KIF26B: variants seen among roughly 807,000 people sequenced by gnomAD.
The protein encoded by KIF26B is kinesin family member 26B.
Under a neutral mutation model 151.2 loss-of-function variants are expected in KIF26B, and 63 were observed. The observed-to-expected ratio is 0.42, with a 90% confidence interval of 0.34 to 0.51. The LOEUF is 0.51. Ranked by LOEUF, KIF26B falls within the 20% of genes least tolerant of loss-of-function variation. The pLI is 0.07. For missense variants in KIF26B, 2,813 were observed against 2,913.6 expected, an observed-to-expected ratio of 0.97 and a Z score of 0.79; for synonymous variants, 1,357 against 1,262.1, an observed-to-expected ratio of 1.08 and a Z score of -1.59.
At chr1:245,465,019 C>T (rs1202572688) in intron 4 of KIF26B, among the ~76,000 whole-genome samples, 1 of 145,586 alleles carries the variant, frequency 6.9e-6, no homozygotes, top group Non-Finnish European at 1.5e-5. Flanking sequence ...CACTCTGTCG[C>T]CCAGGCTGGA....
In KIF26B at chr1:245,556,146, C is replaced by T. The variant is rs566048936; in HGVS notation, c.1350+15196C>T. 5.9e-4 allele frequency among the ~76,000 whole-genome samples: 90 copies of T among 152,336 alleles called. 5 individuals are homozygous for T. The South Asian group carries it at 0.013, about 22-fold the overall frequency. ...CTGGCTATGCTGGCTATGCTATGAC[C>T]TGCTTCCTCTGTGAAACAGCTGCTG... is the stretch of plus-strand genomic sequence containing the variant. On this transcript the variant is annotated intron_variant, in intron 5 of 14. Transcript: ENST00000407071.
chr1:245,549,443 A>C (rs1661827159), intron 5 of KIF26B, among the ~76,000 whole-genome samples: 1 of 152,210 alleles, frequency 6.6e-6, no homozygotes, highest in African/African-American at 2.4e-5. Flanking sequence ...ACCATTACTG[A>C]TATCAGGAGA....
chr1:245,515,192 C>T (rs888211517), intron 4 of KIF26B, among the ~76,000 whole-genome samples: 7 of 152,192 alleles, frequency 4.6e-5, no homozygotes, highest in African/African-American at 1.2e-4. Flanking sequence ...CACCTTGACT[C>T]GTGCCGGTCC....
At chr1:245,282,342 G>A (rs1671072349) in intron 2 of KIF26B, among the ~76,000 whole-genome samples, 2 of 152,108 alleles carry the variant, frequency 1.3e-5, no homozygotes, top group East Asian at 1.9e-4. Flanking sequence ...TGACTTCAAA[G>A]TTTTCGTTTT....
chr1:245,420,042 G>A (rs760999924), intron 4 of KIF26B, among the ~76,000 whole-genome samples: 1 of 152,186 alleles, frequency 6.6e-6, no homozygotes, highest in Non-Finnish European at 1.5e-5. Context: ...CATTGTGAGA[G>A]GCCCCAGGGT....
chr1:245,297,832 T>C (rs1671364108), intron 2 of KIF26B, among the ~76,000 whole-genome samples: 1 of 152,200 alleles, frequency 6.6e-6, no homozygotes, highest in African/African-American at 2.4e-5. Flanking sequence ...AGATGTTGTG[T>C]GTGCTTGTGA....
chr1:245,636,333 A>G (rs1207076517), intron 9 of KIF26B, among the ~76,000 whole-genome samples: 1 of 140,112 alleles, frequency 7.1e-6, no homozygotes, highest in African/African-American at 2.8e-5. Flanking sequence ...GAATTATCTC[A>G]TTTCTCATTA....
At chr1:245,316,140 ATT>A (rs71299015) in intron 2 of KIF26B, among the ~76,000 whole-genome samples, 10 of 141,480 alleles carry the variant, frequency 7.1e-5, no homozygotes, top group Non-Finnish European at 9.3e-5. Context: ...GGCTGCTTCT[ATT>A]TTTTTTTTTT....
intron 1 of KIF26B, among the ~76,000 whole-genome samples, chr1:245,155,894 C>A (rs896037453): frequency 6.6e-6 from 1 of 151,864 alleles, no homozygotes; most frequent in Non-Finnish European, 1.5e-5. Context: ...AATCACAGCC[C>A]TCCCCCTACC....
chr1:245,521,260 C>A (rs1057447439), intron 4 of KIF26B, among the ~76,000 whole-genome samples: 1 of 151,822 alleles, frequency 6.6e-6, no homozygotes, highest in Non-Finnish European at 1.5e-5. Flanking sequence ...TGGCGTGAAC[C>A]CGGGAGGCGG....
At chr1:245,181,116 C>A (rs1668898652) in intron 2 of KIF26B, among the ~76,000 whole-genome samples, 1 of 152,176 alleles carries the variant, frequency 6.6e-6, no homozygotes, top group African/African-American at 2.4e-5. Flanking sequence ...AGTTTCGTGC[C>A]ATTATCTCTT....
chr1:245,701,757 G>A (rs2044775356), intron 14 of KIF26B, among the ~76,000 whole-genome samples: 1 of 152,210 alleles, frequency 6.6e-6, no homozygotes, highest in South Asian at 2.1e-4. Flanking sequence ...TCTCTTCAGA[G>A]CTTGTCTCGT....
chr1:245,477,847 C>T (rs1404284098), intron 4 of KIF26B, among the ~76,000 whole-genome samples: 1 of 151,776 alleles, frequency 6.6e-6, no homozygotes, highest in Non-Finnish European at 1.5e-5. Flanking sequence ...GCCTTTTTAA[C>T]AATTTAAATG....
intron 4 of KIF26B, among the ~76,000 whole-genome samples, chr1:245,530,929 C>T (rs1411247126): frequency 6.6e-6 from 1 of 152,130 alleles, no homozygotes; most frequent in African/African-American, 2.4e-5. Flanking sequence ...CTGAGTTTCC[C>T]GGAACACTGA....
intron 5 of KIF26B, among the ~76,000 whole-genome samples, chr1:245,581,930 AAGG>A (rs1379065239): frequency 8.9e-5 from 10 of 112,588 alleles, no homozygotes; most frequent in African/African-American, 2.1e-4. Flanking sequence ...GAGAAAGAGG[AAGG>A]AAGGAAGGAA....
At chr1:245,381,454 T>C (rs573869709) in intron 3 of KIF26B, among the ~76,000 whole-genome samples, 1 of 152,350 alleles carries the variant, frequency 6.6e-6, no homozygotes, top group African/African-American at 2.4e-5. Context: ...CACGAGTTCG[T>C]AAATTTTCTT....
chr1:245,245,421 A>G (rs1170198056), intron 2 of KIF26B, among the ~76,000 whole-genome samples: 1 of 152,136 alleles, frequency 6.6e-6, no homozygotes, highest in African/African-American at 2.4e-5. Flanking sequence ...TTCCTGGAAC[A>G]TGTGTTAATG....
intron 10 of KIF26B, among the ~76,000 whole-genome samples, chr1:245,659,321 C>G (rs1427227216): frequency 6.6e-6 from 1 of 152,170 alleles, no homozygotes; most frequent in Non-Finnish European, 1.5e-5. Context: ...TGATCTAAAC[C>G]TTGCATCTTT....
intron 4 of KIF26B, among the ~76,000 whole-genome samples, chr1:245,443,081 G>T (rs34547165): frequency 1.7e-5 from 2 of 119,110 alleles, no homozygotes; most frequent in African/African-American, 3.3e-5. Flanking sequence ...CACCTAGAGC[G>T]GTCATCTCCC....
Sources: allele counts gnomAD v4.1 joint callset (sites outside exome capture counted in the v4.1 genomes callset), GRCh38; gene constraint gnomAD v4.1.1; transcripts MANE v1.5; gene names NCBI Gene and HGNC (gene_info 2026-07-23, HGNC 2026-07-21).